Variants in SOX5 observed in about 807,000 individuals in gnomAD.
SOX5 encodes SRY-box transcription factor 5.
A neutral mutation model predicts 92.0 loss-of-function variants in SOX5; 9 were observed. That is an observed-to-expected ratio of 0.10 (90% CI 0.06 to 0.17). The LOEUF is 0.17. Among genes scored for constraint, SOX5 ranks in the 10% least tolerant of loss-of-function variants. The pLI is 1.00. For missense variants in SOX5, 642 were observed against 944.5 expected, an observed-to-expected ratio of 0.68 and a Z score of 4.20; for synonymous variants, 344 against 336.3, an observed-to-expected ratio of 1.02 and a Z score of -0.25.
intron 4 of SOX5, among the ~76,000 whole-genome samples, chr12:24,210,001 G>C (rs1159637156): frequency 1.0e-5 from 1 of 100,280 alleles, no homozygotes; most frequent in African/African-American, 4.1e-5. Context: ...CTGGGCGACA[G>C]AGCGAGACTC....
intron 3 of SOX5, among the ~76,000 whole-genome samples, chr12:23,772,695 T>C (rs1193633033): frequency 1.3e-5 from 2 of 152,196 alleles, no homozygotes; most frequent in African/African-American, 2.4e-5. Flanking sequence ...AGCTCTGACA[T>C]CTGGTTTACT....
chr12:24,268,360 G>T (rs145254687), intron 3 of SOX5, among the ~76,000 whole-genome samples: 1 of 152,198 alleles, frequency 6.6e-6, no homozygotes, highest in East Asian at 1.9e-4. Flanking sequence ...CCTTTAGCCT[G>T]CTTTGCATGG....
intron 4 of SOX5, among the ~76,000 whole-genome samples, chr12:24,059,498 G>A (rs1389207707): frequency 2.6e-5 from 4 of 152,134 alleles, no homozygotes; most frequent in Non-Finnish European, 2.9e-5. Context: ...TCACCATGCT[G>A]CCTCAACTTT....
At chr12:23,817,678 G>A (rs573140253) in intron 3 of SOX5, among the ~76,000 whole-genome samples, 1 of 152,276 alleles carries the variant, frequency 6.6e-6, no homozygotes, top group East Asian at 1.9e-4. Context: ...CTATCAATAT[G>A]TAAATATTAA....
intron 1 of SOX5, among the ~76,000 whole-genome samples, chr12:24,552,832 T>A (rs764725475): frequency 2.0e-5 from 3 of 152,140 alleles, no homozygotes; most frequent in Non-Finnish European, 4.4e-5. Flanking sequence ...AAACCCCACC[T>A]CTACACAAAA....
intron 6 of SOX5, among the ~76,000 whole-genome samples, chr12:23,674,650 T>A (rs1209600343): frequency 6.6e-6 from 1 of 152,084 alleles, no homozygotes; most frequent in African/African-American, 2.4e-5. Flanking sequence ...AAAGGAATAA[T>A]TTTTGAAAGC....
chr12:24,279,248 C>G (rs1036481533), intron 2 of SOX5, among the ~76,000 whole-genome samples: 1 of 151,860 alleles, frequency 6.6e-6, no homozygotes, highest in Non-Finnish European at 1.5e-5. Context: ...CATTTCCTAC[C>G]TATATTATAA....
intron 3 of SOX5, among the ~76,000 whole-genome samples, chr12:23,772,793 A>G (rs764733407): frequency 3.3e-5 from 5 of 152,214 alleles, no homozygotes; most frequent in Non-Finnish European, 4.4e-5. Flanking sequence ...AGGTACCTCA[A>G]TATACTAAAT....
At chr12:24,342,535 A>C (rs1480059604) in intron 2 of SOX5, among the ~76,000 whole-genome samples, 1 of 152,192 alleles carries the variant, frequency 6.6e-6, no homozygotes, top group Non-Finnish European at 1.5e-5. Context: ...ACTTGACATA[A>C]TCCTATGATC....
Position 24,037,138 on chromosome 12 carries a change from G to A in SOX5, c.-1-141114C>T, listed in dbSNP as rs116311146. Among the ~76,000 whole-genome samples the A allele has an allele frequency of 5.5e-3, 830 of 152,218 alleles. 12 individuals carry two copies. Among genetic ancestry groups the A allele is most frequent in the African/African-American group, 0.018 (748 of 41,538 alleles). ...AGTTAGCATTAGTGATAGGGGGAGG[G>A]GGAGGGAGAAAATAAACCATTTTTC... On this transcript the variant is annotated intron_variant, in intron 4 of 4. Coordinates refer to the SOX5 transcript ENST00000446891.
chr12:23,810,973 G>A (rs190240775), intron 3 of SOX5, among the ~76,000 whole-genome samples: 65 of 152,112 alleles, frequency 4.3e-4, no homozygotes, highest in Middle Eastern at 3.4e-3. Flanking sequence ...CATTTCAAAT[G>A]GTTGCCAAAA....
At position 24,053,965 on chromosome 12, in the gene SOX5, G is replaced by A. The variant is rs368566496; in HGVS notation, c.-1-157941C>T. ...CAAAGCCTTAGAGCAGTGAAGTAAT[G>A]AAACAGAGATTCTCCCCCAAGCTCT... On this transcript the variant is annotated intron_variant, in intron 4 of 4. Coordinates refer to the SOX5 transcript ENST00000446891. Among the ~76,000 whole-genome samples the A allele has an allele frequency of 5.9e-5, 9 of 152,334 alleles. 1 individual carries two copies. The East Asian group carries it at 1.7e-3, about 29-fold the overall frequency.
chr12:24,061,137 A>G (rs1397933509), intron 4 of SOX5, among the ~76,000 whole-genome samples: 4 of 151,678 alleles, frequency 2.6e-5, no homozygotes, highest in Admixed American at 2.0e-4. Flanking sequence ...TGTAATTGCT[A>G]TTGTCAAGTT....
At chr12:24,532,211 C>A (rs774122383) in intron 1 of SOX5, among the ~76,000 whole-genome samples, 2 of 152,046 alleles carry the variant, frequency 1.3e-5, no homozygotes, top group Non-Finnish European at 2.9e-5. Flanking sequence ...CATACTATTG[C>A]AGAAAACCAA....
intron 4 of SOX5, among the ~76,000 whole-genome samples, chr12:24,123,942 T>C (rs990663163): frequency 6.6e-6 from 1 of 152,224 alleles, no homozygotes; most frequent in Non-Finnish European, 1.5e-5. Flanking sequence ...AGAAGTTGCA[T>C]GCTAAATGCA....
chr12:24,541,525 C>T (rs1352874131), intron 1 of SOX5, among the ~76,000 whole-genome samples: 3 of 152,110 alleles, frequency 2.0e-5, no homozygotes, highest in Admixed American at 6.5e-5. Flanking sequence ...TCCTTAGCTG[C>T]CCTACTTTCC....
intron 4 of SOX5, among the ~76,000 whole-genome samples, chr12:24,073,517 G>T (rs1942077383): frequency 6.6e-6 from 1 of 151,974 alleles, no homozygotes; most frequent in South Asian, 2.1e-4. Context: ...TGTAAAAATG[G>T]TCTCTTCATT....
intron 1 of SOX5, among the ~76,000 whole-genome samples, chr12:24,483,937 A>T (rs188596160): frequency 6.6e-5 from 10 of 152,292 alleles, no homozygotes; most frequent in Middle Eastern, 6.8e-3. Flanking sequence ...GCTGAATCAG[A>T]TATATATTAT....
chr12:23,858,563 G>C (rs2096720322), intron 2 of SOX5, among the ~76,000 whole-genome samples: 1 of 152,170 alleles, frequency 6.6e-6, no homozygotes, highest in Non-Finnish European at 1.5e-5. Flanking sequence ...TGGTGAGGTT[G>C]CAGAGAAGAG....
Sources: allele counts gnomAD v4.1 joint callset (sites outside exome capture counted in the v4.1 genomes callset), GRCh38; gene constraint gnomAD v4.1.1; transcripts MANE v1.5; gene names NCBI Gene and HGNC (gene_info 2026-07-23, HGNC 2026-07-21).